Variants in CP observed in about 807,000 individuals in gnomAD.
The protein encoded by CP is ceruloplasmin.
CP carries 64 observed loss-of-function variants against 122.4 expected under a neutral mutation model. The observed-to-expected ratio is 0.52, with a 90% CI of 0.43 to 0.64. CP has a LOEUF of 0.64. Ranked by LOEUF, CP falls within the 30% of genes least tolerant of loss-of-function variation. The pLI is 0.00. For missense variants in CP, 1,167 were observed against 1,284.4 expected (o/e 0.91, Z 1.40); for synonymous variants, 440 against 436.4 (o/e 1.01, Z -0.10).
chr3:149,217,772 G>T, intron 1 of CP: 1 of 200,196 alleles, frequency 5.0e-6, no homozygotes, highest in Non-Finnish European at 1.1e-5. Context: ...TGGAAAAAAA[G>T]TAACTTTTTT....
At chr3:149,207,703 G>A (rs1315821213) in intron 4 of CP, 86 bp from the exon 5 acceptor site, 1 of 1,442,460 alleles carries the variant, frequency 6.9e-7, no homozygotes, top group African/African-American at 1.4e-5. Flanking sequence ...GAATCAATTT[G>A]GAATGGCAAA....
At chr3:149,219,547 G>A (rs541309809) in intron 1 of CP, among the ~76,000 whole-genome samples, 11 of 152,252 alleles carry the variant, frequency 7.2e-5, no homozygotes, top group South Asian at 2.1e-4. Context: ...CATGTAAGAC[G>A]TGCCTTTGCT....
At chr3:149,203,320 G>A (rs892174310) in intron 6 of CP, among the ~76,000 whole-genome samples, 4 of 152,010 alleles carry the variant, frequency 2.6e-5, no homozygotes, top group African/African-American at 7.3e-5. Flanking sequence ...CTGGAGTGCC[G>A]TGGTGTGATC....
rs1166451937 is a variant in CP at position 149,185,405 on chromosome 3, C to T, written c.2119G>A (p.Gly707Ser). 6.2e-7 allele frequency: 1 copy of T among 1,614,012 alleles called. No homozygotes were observed. The highest frequency in any genetic ancestry group is 1.3e-5 in the African/African-American group (1 of 74,914). The change falls in exon 12 of 19, where the codon GGC becomes AGC. Residue 707 changes from glycine (G) to serine (S), a missense_variant. By Grantham distance (56) the Gly-to-Ser change is moderately conservative. Transcript: ENST00000264613. ...VECLTTDHYT[G>S]GMKQKYTVNQ... Reference sequence around the variant, plus strand: ...ACAGTATATTTTTGCTTCATGCCGCCTGTGTAATGATCAGTTGTAAGGCAT... The same window carrying T: ...ACAGTATATTTTTGCTTCATGCCGCTTGTGTAATGATCAGTTGTAAGGCAT...
At chr3:149,208,675 T>C (rs888347631) in intron 4 of CP, among the ~76,000 whole-genome samples, 4 of 152,168 alleles carry the variant, frequency 2.6e-5, no homozygotes, top group African/African-American at 9.7e-5. Flanking sequence ...TTATTTTGTG[T>C]CTGAGAATTA....
intron 1 of CP, among the ~76,000 whole-genome samples, chr3:149,219,536 C>T (rs1395299111): frequency 6.6e-6 from 1 of 152,222 alleles, no homozygotes; most frequent in Non-Finnish European, 1.5e-5. Context: ...TTGGCTGCTG[C>T]CATGTAAGAC....
In CP at chr3:149,202,233, G is replaced by T. The variant is rs147034302; in HGVS notation, c.1217C>A (p.Ala406Glu). The change falls in exon 7 of 19, where the codon GCG (alanine) becomes GAG (glutamate). Residue 406 changes from alanine to glutamate, a missense_variant. Ala to Glu is a moderately radical substitution (Grantham distance 107). Coordinates refer to ENST00000264613, the MANE Select transcript of CP (RefSeq NM_000096.4). Reference sequence around the variant, plus strand: ...TGTGGTACCTTGTTCAAAAAACACCGCTGAGTCACTGCAGGGGGAAAAAAG... The same window carrying T: ...TGTGGTACCTTGTTCAAAAAACACCTCTGAGTCACTGCAGGGGGAAAAAAG... ...ENLTAPGSDS[A>E]VFFEQGTTRI... 3.5e-4 allele frequency: 570 copies of T among 1,614,026 alleles called. No individual in the cohort carries two copies. Among genetic ancestry groups the T allele is most frequent in the Non-Finnish European group, 4.5e-4 (530 of 1,180,002 alleles).
chr3:149,207,292 A>G, intron 5 of CP, 71 bp downstream of exon 5: 1 of 1,584,992 alleles, frequency 6.3e-7, no homozygotes, highest in Non-Finnish European at 8.7e-7. Context: ...AAAGATATTT[A>G]GCTTTTAGAT....
intron 10 of CP, 21 bp from the exon 11 acceptor site, chr3:149,186,753 C>G: frequency 6.2e-7 from 1 of 1,609,736 alleles, no homozygotes; most frequent in East Asian, 2.2e-5. Flanking sequence ...TGGGAAATAA[C>G]ATTTTGGAAG....
chr3:149,168,240 A>C, downstream of CP: 1 of 426,982 alleles, frequency 2.3e-6, no homozygotes, highest in Non-Finnish European at 4.3e-6. Flanking sequence ...AGAAAATGAC[A>C]GCATCAGTGT....
At position 149,206,317 on chromosome 3, in the gene CP, C is replaced by T. The variant is rs1412918912; in HGVS notation, c.1059G>A (p.Gln353=). ...ATGAAGACTTGTTACACTCCTGGAC[C>T]TGGAAAAAGGCTTGCAAACCGGCTG... ...HLKAGLQAFF[Q]VQECNKSSSK... The change falls in exon 6 of 19, where the codon CAG becomes CAA. Residue 353 remains glutamine (Q), a synonymous_variant. Coordinates refer to ENST00000264613, the MANE Select transcript of CP (RefSeq NM_000096.4). The T allele has an allele frequency of 6.2e-7, 1 of 1,613,762 alleles. No homozygotes were observed. Among genetic ancestry groups the T allele is most frequent in the Non-Finnish European group, 8.5e-7 (1 of 1,179,832 alleles).
At chr3:149,183,715 T>C in intron 12 of CP, 110 bp from the exon 13 acceptor site, 2 of 766,934 alleles carry the variant, frequency 2.6e-6, no homozygotes, top group South Asian at 3.7e-5. Flanking sequence ...GTAATTATAG[T>C]AGTTTTAAAT....
chr3:149,172,395 T>C (rs1725095023), downstream of CP: 1 of 569,024 alleles, frequency 1.8e-6, no homozygotes, highest in Admixed American at 2.8e-5. Context: ...TACCTTACCG[T>C]GTAGTGGTAA....
chr3:149,172,254 T>G, downstream of CP: 1 of 1,600,532 alleles, frequency 6.2e-7, no homozygotes, highest in Non-Finnish European at 8.5e-7. Flanking sequence ...ATAATGGCAT[T>G]TGAGACTGAA....
chr3:149,208,750 G>A (rs770549915), intron 4 of CP, among the ~76,000 whole-genome samples: 1 of 152,104 alleles, frequency 6.6e-6, no homozygotes, highest in Non-Finnish European at 1.5e-5. Flanking sequence ...ATGTAGAAAC[G>A]AATGATGCAG....
At chr3:149,202,001 CAT>C (rs2108277400) in intron 7 of CP, 99 bp downstream of exon 7, 3 of 1,452,962 alleles carry the variant, frequency 2.1e-6, no homozygotes, top group Middle Eastern at 1.8e-4. Flanking sequence ...CTACTTAACA[CAT>C]AGAAATCATG....
In CP at chr3:149,198,573, G is replaced by T. The variant is rs745620477; in HGVS notation, c.1507C>A (p.Pro503Thr). Reference protein sequence around the residue: ...PNYNPQSRSVPPSASHVAPTE... With the variant: ...PNYNPQSRSVTPSASHVAPTE... ...GGTGCCACATGGGAGGCTGAAGGAG[G>T]CACACCTGTGAGAAAGGTCACATTA... The change falls in exon 9 of 19, where the codon CCT (proline) becomes ACT (threonine). Residue 503 changes from proline (P) to threonine (T), a missense_variant. Coordinates refer to ENST00000264613, the MANE Select transcript of CP (RefSeq NM_000096.4). 3.1e-6 allele frequency: 5 copies of T among 1,613,500 alleles called. No homozygotes were observed. In the East Asian group the frequency reaches 6.7e-5, roughly 22 times the overall value.
At chr3:149,179,510 G>A (rs753727885) in intron 15 of CP, 46 bp downstream of exon 15, 2 of 1,347,438 alleles carry the variant, frequency 1.5e-6, no homozygotes, top group Non-Finnish European at 2.1e-6. Flanking sequence ...CTTCAATTGT[G>A]TGTCTATTTT....
At chr3:149,171,399 G>A (rs997682940), downstream of CP, among the ~76,000 whole-genome samples, 4 of 151,496 alleles carry the variant, frequency 2.6e-5, no homozygotes, top group African/African-American at 4.9e-5. Context: ...GAACTAATAC[G>A]GGAAAACATT....
Sources: allele counts gnomAD v4.1 joint callset (sites outside exome capture counted in the v4.1 genomes callset), GRCh38; gene constraint gnomAD v4.1.1; transcripts MANE v1.5; gene names NCBI Gene and HGNC (gene_info 2026-07-23, HGNC 2026-07-21).